POFUT3: variants seen among roughly 807,000 people sequenced by gnomAD.
POFUT3 encodes the protein GDP-fucose protein O-fucosyltransferase 3.
chr8:33,335,590 G>A, the POFUT3 span, among the ~76,000 whole-genome samples: 2 of 152,114 alleles, frequency 1.3e-5, no homozygotes, highest in African/African-American at 4.8e-5. Flanking sequence ...GGGGTTAGGG[G>A]TGCCAAACCT....
chr8:33,324,280 G>A, the POFUT3 span, among the ~76,000 whole-genome samples: 6 of 152,312 alleles, frequency 3.9e-5, no homozygotes, highest in African/African-American at 1.4e-4. Context: ...CCAGGAGGTA[G>A]AGAACATGGA....
At chr8:33,449,113 C>G in the POFUT3 span, among the ~76,000 whole-genome samples, 1 of 151,898 alleles carries the variant, frequency 6.6e-6, no homozygotes, top group African/African-American at 2.4e-5. Flanking sequence ...CCATAGCTGC[C>G]TTATTTATCT....
At chr8:33,352,521 CT>C in the POFUT3 span, among the ~76,000 whole-genome samples, 3 of 151,260 alleles carry the variant, frequency 2.0e-5, no homozygotes, top group African/African-American at 2.4e-5. Context: ...ATTTTTGATT[CT>C]TTTTTTTTAA....
chr8:33,409,982 G>C, the POFUT3 span, among the ~76,000 whole-genome samples: 12 of 152,324 alleles, frequency 7.9e-5, 1 homozygote, highest in African/African-American at 2.9e-4. Context: ...TGGCACAGAT[G>C]TCAGTGCCTT....
At chr8:33,356,250 C>G in the POFUT3 span, among the ~76,000 whole-genome samples, 17 of 151,312 alleles carry the variant, frequency 1.1e-4, no homozygotes, top group South Asian at 2.1e-4. Flanking sequence ...TCGCCACACT[C>G]ACTTCCACAA....
the POFUT3 span, among the ~76,000 whole-genome samples, chr8:33,448,676 G>A: frequency 3.9e-5 from 6 of 152,230 alleles, no homozygotes; most frequent in East Asian, 9.7e-4. Flanking sequence ...GCTTACACAT[G>A]TAATCCCAGC....
the POFUT3 span, among the ~76,000 whole-genome samples, chr8:33,310,003 T>A: frequency 6.6e-6 from 1 of 152,204 alleles, no homozygotes; most frequent in Non-Finnish European, 1.5e-5. Context: ...TAATATCTTC[T>A]CTATGCCTGA....
chr8:33,371,253 G>A, the POFUT3 span: 1 of 152,170 alleles, frequency 6.6e-6, no homozygotes, highest in Admixed American at 6.6e-5. Flanking sequence ...CTCATCCAAT[G>A]TGATCCTTCT....
chr8:33,471,981 A>T, the POFUT3 span, among the ~76,000 whole-genome samples: 2 of 152,200 alleles, frequency 1.3e-5, no homozygotes, highest in Non-Finnish European at 1.5e-5. Context: ...TTCAGCGTTC[A>T]AAGAGCTGAG....
chr8:33,412,784 T>C, the POFUT3 span, among the ~76,000 whole-genome samples: 1 of 152,102 alleles, frequency 6.6e-6, no homozygotes, highest in Non-Finnish European at 1.5e-5. Context: ...TGCACCATCA[T>C]ACCCAGCTAA....
At chr8:33,411,408 T>A in the POFUT3 span, among the ~76,000 whole-genome samples, 1 of 152,232 alleles carries the variant, frequency 6.6e-6, no homozygotes, top group African/African-American at 2.4e-5. Flanking sequence ...ATTGAATGCC[T>A]CTATCTCAAA....
the POFUT3 span, among the ~76,000 whole-genome samples, chr8:33,379,278 C>T: frequency 6.6e-6 from 1 of 151,846 alleles, no homozygotes; most frequent in Non-Finnish European, 1.5e-5. Context: ...AATACACATC[C>T]CTCCTCCCCA....
the POFUT3 span, among the ~76,000 whole-genome samples, chr8:33,470,236 CAAAAAAAAAAAAAAA>C: frequency 7.9e-5 from 7 of 89,112 alleles, no homozygotes; most frequent in African/African-American, 3.2e-4. Flanking sequence ...CCCATCTCTA[CAAAAAAAAAAAAAAA>C]AAAAAAAAAA....
the POFUT3 span, among the ~76,000 whole-genome samples, chr8:33,380,014 AGT>A: frequency 6.2e-3 from 426 of 69,020 alleles, 22 homozygotes; most frequent in South Asian, 0.019. Context: ...CTATATATAT[AGT>A]ATATATATAT....
chr8:33,382,345 C>T, the POFUT3 span, among the ~76,000 whole-genome samples: 1 of 151,918 alleles, frequency 6.6e-6, no homozygotes, highest in African/African-American at 2.4e-5. Flanking sequence ...TAGACACACA[C>T]TTTTAATTTC....
chr8:33,472,983 G>C, the POFUT3 span: 1 of 152,526 alleles, frequency 6.6e-6, no homozygotes, highest in African/African-American at 2.4e-5. Flanking sequence ...CCAGAAAAGC[G>C]TCTTTCCGTG....
At chr8:33,327,764 C>T in the POFUT3 span, among the ~76,000 whole-genome samples, 3 of 152,172 alleles carry the variant, frequency 2.0e-5, no homozygotes, top group Non-Finnish European at 4.4e-5. Context: ...AGATGAAGCA[C>T]ATTTTTCATG....
chr8:33,347,216 A>G, the POFUT3 span, among the ~76,000 whole-genome samples: 2 of 152,156 alleles, frequency 1.3e-5, no homozygotes, highest in Non-Finnish European at 2.9e-5. Context: ...CTGAGCTGAC[A>G]CTTAGCTTCC....
chr8:33,461,207 GAGGGAGGGAGGGA>G, the POFUT3 span, among the ~76,000 whole-genome samples: 1 of 19,244 alleles, frequency 5.2e-5, no homozygotes, highest in Non-Finnish European at 1.3e-4. Flanking sequence ...GGGAGGGAGG[GAGGGAGGGAGGGA>G]GGGAGGGAGG....
Sources: gnomAD v4.1 joint callset for allele counts (sites outside exome capture counted in the v4.1 genomes callset) on GRCh38, gnomAD v4.1.1 for gene constraint, MANE v1.5 for transcripts, NCBI Gene and HGNC (gene_info 2026-07-23, HGNC 2026-07-21) for gene names.